DDX31: variants seen among roughly 807,000 people sequenced by gnomAD.
DDX31 encodes DEAD-box helicase 31.
Under a neutral mutation model 91.3 loss-of-function variants are expected in DDX31, and 70 were observed. The observed-to-expected ratio is 0.77, with a 90% confidence interval of 0.63 to 0.94. The LOEUF is 0.94. Ranked by LOEUF, DDX31 falls within the 40% of genes least tolerant of loss-of-function variation. DDX31 has a pLI of 0.00. For synonymous variants in DDX31, 362 were observed against 350.6 expected (o/e 1.03, Z -0.36); for missense variants, 902 against 925.0 (o/e 0.98, Z 0.32).
intron 17 of DDX31, among the ~76,000 whole-genome samples, chr9:132,623,551 C>CAAAAAAAAAA (rs34868804): frequency 6.0e-5 from 4 of 66,668 alleles, no homozygotes; most frequent in East Asian, 1.2e-3. Flanking sequence ...GACTCCATCT[C>CAAAAAAAAAA]AAAAAAAAAA....
At chr9:132,645,845 C>G in intron 13 of DDX31, 50 bp downstream of exon 13, 1 of 1,562,038 alleles carries the variant, frequency 6.4e-7, no homozygotes, top group Non-Finnish European at 8.7e-7. Flanking sequence ...TCGCCCCCAT[C>G]TCCACGTGGG....
intron 9 of DDX31, among the ~76,000 whole-genome samples, chr9:132,649,829 T>G (rs1015125770): frequency 6.6e-6 from 1 of 152,176 alleles, no homozygotes; most frequent in Non-Finnish European, 1.5e-5. Context: ...ACATATTCGG[T>G]TGTAAAAAGC....
chr9:132,665,219 A>G lies in DDX31; in HGVS notation c.76-2524T>C, dbSNP rs115095616. On this transcript the variant is annotated intron_variant, in intron 1 of 19. Coordinates refer to ENST00000372159, the MANE Select transcript of DDX31 (RefSeq NM_022779.9). ...CAACAAATACTTGTAAGATGAATGA[A>G]TAACACACAATGGAATTATCCCTTT... is the stretch of plus-strand genomic sequence containing the variant. 9.5e-3 allele frequency among the ~76,000 whole-genome samples: 1,441 copies of G among 152,314 alleles called. 23 individuals are homozygous for G. The highest frequency in any genetic ancestry group is 0.033 in the African/African-American group (1,377 of 41,564).
At position 132,651,094 on chromosome 9, in the gene DDX31, G is replaced by T. The variant is rs1265673261; in HGVS notation, c.656C>A (p.Thr219Asn). Residue 219 changes from threonine to asparagine, a missense_variant, in exon 8 of 20, where the codon ACT becomes AAT. Physicochemically the swap from Thr to Asn is moderately conservative, Grantham distance 65 (BLOSUM62 0). Coordinates refer to ENST00000372159, the MANE Select transcript of DDX31 (RefSeq NM_022779.9). ...CCTTACCTTAAGCAGTTTCTGGACA[G>T]TGTCAAAGCTTTGTAGAGCTAGCTG... is the stretch of plus-strand genomic sequence containing the variant. ...TRELALQSFD[T>N]VQKLLKPFTW... is the part of the protein sequence containing the mutation. 1.2e-6 allele frequency: 2 copies of T among 1,611,856 alleles called. No individual in the cohort carries two copies. Among genetic ancestry groups the T allele is most frequent in the Admixed American group, 1.7e-5 (1 of 59,664 alleles).
intron 17 of DDX31, among the ~76,000 whole-genome samples, chr9:132,622,634 C>T (rs770151644): frequency 1.4e-4 from 21 of 152,206 alleles, no homozygotes; most frequent in Non-Finnish European, 2.2e-4. Flanking sequence ...CCTGAGACGA[C>T]GTTTGATCAA....
chr9:132,668,594 G>T (rs1350999484), intron 1 of DDX31, among the ~76,000 whole-genome samples: 2 of 147,816 alleles, frequency 1.4e-5, no homozygotes, highest in East Asian at 2.0e-4. Context: ...TTGAGACGGA[G>T]TCTCGTTCTG....
At position 132,594,904 on chromosome 9, in the gene DDX31, C is replaced by A. The variant is rs911833170; in HGVS notation, c.2203G>T (p.Gly735Cys). 1.9e-6 allele frequency: 3 copies of A among 1,613,896 alleles called. No individual in the cohort carries two copies. In the African/African-American group the frequency reaches 4.0e-5, roughly 22 times the overall value. The change falls in exon 20 of 20, where the codon GGT becomes TGT. Residue 735 changes from glycine (G) to cysteine (C), a missense_variant. Coordinates refer to ENST00000372159, the MANE Select transcript of DDX31 (RefSeq NM_022779.9). Reference protein sequence around the residue: ...KTLKWRKTQKGVQRDSKTSQK... With the variant: ...KTLKWRKTQKCVQRDSKTSQK... ...GAAGTCTTGCTGTCCCGCTGTACAC[C>A]TTTTTGGGTTTTTCTCCATTTTAAT...
intron 1 of DDX31, among the ~76,000 whole-genome samples, chr9:132,663,040 A>G (rs150569224): frequency 6.6e-6 from 1 of 152,104 alleles, no homozygotes; most frequent in African/African-American, 2.4e-5. Flanking sequence ...GCAAGAATCC[A>G]CCTTGTGAAG....
At chr9:132,658,368 A>T (rs1255943039) in intron 6 of DDX31, 2 of 703,234 alleles carry the variant, frequency 2.8e-6, no homozygotes, top group Non-Finnish European at 5.2e-6. Context: ...CCTATAACAC[A>T]GTGGGGGAGA....
chr9:132,623,573 AAAAAAAG>A (rs1318730651), intron 17 of DDX31, among the ~76,000 whole-genome samples: 11 of 151,538 alleles, frequency 7.3e-5, no homozygotes, highest in South Asian at 4.2e-4. Context: ...AAAAAAGAAA[AAAAAAAG>A]AAAAAAGAAA....
intron 3 of DDX31, among the ~76,000 whole-genome samples, chr9:132,662,048 G>A (rs1388765850): frequency 6.6e-6 from 1 of 152,082 alleles, no homozygotes; most frequent in African/African-American, 2.4e-5. Flanking sequence ...AACAGAGGAT[G>A]GGGGAAGGGG....
rs574804342 is a variant in DDX31 at position 132,610,163 on chromosome 9, T to C, written c.1994+1924A>G. 5.9e-5 allele frequency among the ~76,000 whole-genome samples: 9 copies of C among 152,264 alleles called. No homozygotes were observed. In the East Asian group the frequency reaches 1.7e-3, roughly 29 times the overall value. On this transcript the variant is annotated intron_variant, in intron 19 of 19. Coordinates refer to ENST00000372159, the MANE Select transcript of DDX31 (RefSeq NM_022779.9). ...AGTTCCCAGGCCCCGCAGCCTAGAATCCTGGCACAGCCAAGAGGGCCTGGG... is the reference window on the plus strand; with the variant it reads ...AGTTCCCAGGCCCCGCAGCCTAGAACCCTGGCACAGCCAAGAGGGCCTGGG...
rs2130827739 is a variant in DDX31, at chr9:132,658,685, C to T, written c.574G>A (p.Glu192Lys). The change falls in exon 6 of 20, where the codon GAG (glutamate) becomes AAG (lysine). Residue 192 changes from glutamate to lysine, a missense_variant. Physicochemically the swap from Glu to Lys is moderately conservative, Grantham distance 56. Transcript: ENST00000372159. The stretch of plus-strand genomic sequence containing the variant: ...TTGATACACACCTGTATTTTTGACT[C>T]CATTGCTTGAAGGGACTGGACCACA... ...IPVVQSLQAM[E>K]SKIQRSDGPY... 1.9e-6 allele frequency: 3 copies of T among 1,613,772 alleles called. No homozygotes were observed. The highest frequency in any genetic ancestry group is 4.5e-5 in the East Asian group (2 of 44,860).
intron 1 of DDX31, among the ~76,000 whole-genome samples, chr9:132,667,627 A>G (rs552260963): frequency 2.2e-4 from 34 of 152,068 alleles, no homozygotes; most frequent in African/African-American, 8.0e-4. Context: ...AAACAAAACA[A>G]AAAACGTAGA....
At chr9:132,658,830 C>T in intron 5 of DDX31, 95 bp from the exon 6 acceptor site, 32 of 1,130,768 alleles carry the variant, frequency 2.8e-5, no homozygotes, top group Non-Finnish European at 4.0e-5. Context: ...TGCTATCTTC[C>T]AGTAGTACTA....
chr9:132,652,252 T>C (rs929209636), intron 7 of DDX31, among the ~76,000 whole-genome samples, 196 bp downstream of exon 7: 1 of 152,194 alleles, frequency 6.6e-6, no homozygotes, highest in African/African-American at 2.4e-5. Flanking sequence ...GAAAATACTT[T>C]TCCATACTTA....
At chr9:132,658,599 TTC>T in intron 6 of DDX31, 70 bp downstream of exon 6, 2 of 1,371,182 alleles carry the variant, frequency 1.5e-6, no homozygotes, top group Admixed American at 1.9e-5. Context: ...GTCCTAATAT[TTC>T]TGTTATGCTT....
At chr9:132,600,961 A>C (rs553458040) in intron 19 of DDX31, among the ~76,000 whole-genome samples, 1 of 152,346 alleles carries the variant, frequency 6.6e-6, no homozygotes, top group African/African-American at 2.4e-5. Flanking sequence ...AGCTCGGTAC[A>C]TTTTAATTCT....
intron 19 of DDX31, among the ~76,000 whole-genome samples, chr9:132,606,162 C>T (rs1014581835): frequency 2.6e-5 from 4 of 152,192 alleles, no homozygotes; most frequent in Non-Finnish European, 5.9e-5. Flanking sequence ...TTTCGTCCAG[C>T]CTCTCATCTC....
Sources: allele counts gnomAD v4.1 joint callset (sites outside exome capture counted in the v4.1 genomes callset), GRCh38; gene constraint gnomAD v4.1.1; transcripts MANE v1.5; gene names NCBI Gene and HGNC (gene_info 2026-07-23, HGNC 2026-07-21).